The following ATXN2 variants were observed in gnomAD, a reference collection of about 807,000 sequenced individuals.
ATXN2 encodes the protein ataxin 2, also known as ataxin-2.
In ATXN2, 37 loss-of-function variants were observed where a neutral mutation model predicts 138.6. The ratio of observed to expected loss-of-function variants is 0.27; its 90% CI spans 0.21 to 0.35. The LOEUF is 0.35. Ranked by LOEUF, ATXN2 falls within the 10% of genes least tolerant of loss-of-function variation. The pLI is 1.00. For synonymous variants in ATXN2, 549 were observed against 543.7 expected (o/e 1.01, Z -0.13); for missense variants, 1,216 against 1,480.3 (o/e 0.82, Z 2.93).
Position 111,510,476 on chromosome 12 carries a change from A to C in ATXN2, c.1665T>G (p.Ile555Met). The C allele has an allele frequency of 6.2e-7, 1 of 1,614,154 alleles. No individual in the cohort carries two copies. Among genetic ancestry groups the C allele is most frequent in the East Asian group, 2.2e-5 (1 of 44,880 alleles). ...PVLASPQAGI[I>M]PTEAVAMPIP... is the part of the protein sequence containing the mutation. ...TAGGCATGGCAACAGCTTCAGTTGG[A>C]ATAATACCAGCTTGGGGAGAAGCAA... Residue 555 changes from isoleucine (I) to methionine (M), a missense_variant, in exon 12 of 25, where the codon ATT becomes ATG. Physicochemically the swap from Ile to Met is conservative, Grantham distance 10. Coordinates refer to ENST00000673436, the MANE Select transcript of ATXN2 (RefSeq NM_001372574.1).
In ATXN2 at chr12:111,547,777, TA is replaced by T. The variant is rs533666242; in HGVS notation, c.571+4502del. Among the ~76,000 whole-genome samples, 457 of 88,968 alleles carry T rather than the reference TA, an allele frequency of 5.1e-3. 1 individual carries two copies. The highest frequency in any genetic ancestry group is 0.025 in the South Asian group (68 of 2,696). The allele number at this position is 88,968 out of a possible 152,430, so 58.4% of individuals were successfully genotyped here. On this transcript the variant is annotated intron_variant, in intron 5 of 24. Coordinates refer to ENST00000673436, the MANE Select transcript of ATXN2 (RefSeq NM_001372574.1). Reference sequence around the variant, plus strand: ...TTTCCCCAAAAATAAAGCCAAAGATTAAAAAAAAAAAAAAAAAACTTGAACA... The same window carrying T: ...TTTCCCCAAAAATAAAGCCAAAGATTAAAAAAAAAAAAAAAAACTTGAACA...
rs761502580 is a variant in ATXN2 at position 111,456,252 on chromosome 12, T to C, written c.3047A>G (p.His1016Arg). The C allele has an allele frequency of 2.5e-6, 4 of 1,614,224 alleles. No homozygotes were observed. The Admixed American group carries it at 5.0e-5, about 20-fold the overall frequency. Residue 1016 changes from histidine to arginine, a missense_variant, in exon 23 of 25, where the codon CAT becomes CGT. Transcript: ENST00000673436. The stretch of plus-strand genomic sequence containing the variant: ...GAGAGCCTGGGCGGCCTGGTGCTGA[T>C]GGTGCTGCAAAGCGACAGGAAAGAA... ...SHPAPSPVQH[H>R]QHQAAQALHL... is the part of the protein sequence containing the mutation.
chr12:111,483,871 C>T (rs115056781), intron 18 of ATXN2, among the ~76,000 whole-genome samples: 1 of 152,188 alleles, frequency 6.6e-6, no homozygotes, highest in South Asian at 2.1e-4. Flanking sequence ...CAGCCTGGAC[C>T]TTCTGGTTTC....
At chr12:111,596,273 C>A (rs1884938337) in intron 1 of ATXN2, among the ~76,000 whole-genome samples, 1 of 150,138 alleles carries the variant, frequency 6.7e-6, no homozygotes, top group South Asian at 2.1e-4. Flanking sequence ...AAATTATGTT[C>A]TAATATTGTG....
chr12:111,534,818 A>G (rs1188951720), intron 5 of ATXN2, among the ~76,000 whole-genome samples: 1 of 152,078 alleles, frequency 6.6e-6, no homozygotes, highest in Non-Finnish European at 1.5e-5. Flanking sequence ...AGGGAAAAAA[A>G]CTGACCTATT....
intron 1 of ATXN2, among the ~76,000 whole-genome samples, chr12:111,585,132 C>CG: frequency 6.6e-6 from 1 of 152,180 alleles, no homozygotes; most frequent in Non-Finnish European, 1.5e-5. Flanking sequence ...TGTTATGAGT[C>CG]ACCATTATGA....
At chr12:111,587,350 A>G (rs1217468587) in intron 1 of ATXN2, among the ~76,000 whole-genome samples, 1 of 152,180 alleles carries the variant, frequency 6.6e-6, no homozygotes, top group Non-Finnish European at 1.5e-5. Context: ...AAGCAATATG[A>G]AAAACGTCAA....
At chr12:111,556,649 C>A (rs1412891514) in intron 1 of ATXN2, among the ~76,000 whole-genome samples, 1 of 151,848 alleles carries the variant, frequency 6.6e-6, no homozygotes, top group African/African-American at 2.4e-5. Context: ...AACCCCATCT[C>A]TACTAAGAAT....
chr12:111,452,965 G>T, intron 24 of ATXN2, 125 bp from the exon 25 acceptor site: 2 of 1,058,826 alleles, frequency 1.9e-6, no homozygotes, highest in South Asian at 2.7e-5. Context: ...AATTGAATTC[G>T]CTTTTCCCCC....
Position 111,510,463 on chromosome 12 carries a change from C to T in ATXN2, c.1678G>A (p.Val560Ile), listed in dbSNP as rs1404435114. 3 of 1,614,010 alleles carry T rather than the reference C, an allele frequency of 1.9e-6. No individual in the cohort carries two copies. Among genetic ancestry groups the T allele is most frequent in the Non-Finnish European group, 2.5e-6 (3 of 1,180,026 alleles). The change falls in exon 12 of 25, where the codon GTT becomes ATT. Residue 560 changes from valine to isoleucine, a missense_variant. Physicochemically the swap from Val to Ile is conservative, Grantham distance 29. Transcript: ENST00000673436. ...GATGCAGCTGGAATAGGCATGGCAA[C>T]AGCTTCAGTTGGAATAATACCAGCT... ...PQAGIIPTEA[V>I]AMPIPAASPT...
chr12:111,470,722 G>A lies in ATXN2; in HGVS notation c.2545C>T (p.Arg849Trp), dbSNP rs1415395356. The A allele has an allele frequency of 3.1e-6, 5 of 1,614,044 alleles. No individual in the cohort carries two copies. Among genetic ancestry groups the A allele is most frequent in the Non-Finnish European group, 4.2e-6 (5 of 1,180,002 alleles). The change falls in exon 19 of 25, where the codon CGG becomes TGG. Residue 849 changes from arginine (R) to tryptophan (W), a missense_variant. Physicochemically the swap from Arg to Trp is moderately radical, Grantham distance 101. Around this residue, in one of 4 missense-constraint regions of ATXN2, gnomAD observed 490 missense variants for 653.5 expected, o/e 0.75. Transcript: ENST00000673436. ...GCACTCTGATGATGCTGGTCTTGCCGCTGTTGGGGCATATTTGGTACTGCA... is the reference window on the plus strand; with the variant it reads ...GCACTCTGATGATGCTGGTCTTGCCACTGTTGGGGCATATTTGGTACTGCA... ...AGKVPNMPQQRQDQHHQSAMM... is the reference protein window; with the variant it reads ...AGKVPNMPQQWQDQHHQSAMM...
intron 1 of ATXN2, among the ~76,000 whole-genome samples, chr12:111,573,184 TTTTATTTA>T (rs890065572): frequency 1.3e-5 from 2 of 151,862 alleles, no homozygotes; most frequent in Admixed American, 6.6e-5. Flanking sequence ...TTGTTATTAT[TTTTATTTA>T]TTTATTTATT....
intron 14 of ATXN2, among the ~76,000 whole-genome samples, chr12:111,497,321 C>T (rs1043473505): frequency 6.6e-6 from 1 of 152,130 alleles, no homozygotes; most frequent in African/African-American, 2.4e-5. Context: ...AATACCAATC[C>T]TACTCAAACT....
chr12:111,487,606 C>T (rs1015235750), intron 15 of ATXN2, among the ~76,000 whole-genome samples: 1 of 151,938 alleles, frequency 6.6e-6, no homozygotes, highest in African/African-American at 2.4e-5. Context: ...GATACAGGCA[C>T]CTACCACCAT....
At chr12:111,455,677 A>C in intron 23 of ATXN2, 1 of 337,408 alleles carries the variant, frequency 3.0e-6, no homozygotes, top group Non-Finnish European at 5.7e-6. Flanking sequence ...CTTCCAAGGT[A>C]AGTGTGTAGG....
chr12:111,555,340 C>A (rs1226474784), intron 2 of ATXN2, among the ~76,000 whole-genome samples: 1 of 152,098 alleles, frequency 6.6e-6, no homozygotes, highest in Non-Finnish European at 1.5e-5. Context: ...TGGTTTGGTT[C>A]TGTGTCCCCA....
At chr12:111,525,685 CA>C (rs1382887328) in intron 5 of ATXN2, among the ~76,000 whole-genome samples, 87 of 132,756 alleles carry the variant, frequency 6.6e-4, no homozygotes, top group African/African-American at 2.9e-3. Context: ...CCACACGAAG[CA>C]TTTTTTTTTT....
chr12:111,476,096 T>C (rs558876256), intron 18 of ATXN2, among the ~76,000 whole-genome samples: 1 of 152,124 alleles, frequency 6.6e-6, no homozygotes, highest in African/African-American at 2.4e-5. Flanking sequence ...GGACTACAGG[T>C]GTGTGCCACC....
chr12:111,510,041 A>G (rs769647139), intron 12 of ATXN2, 43 bp from the exon 13 acceptor site: 1 of 1,369,210 alleles, frequency 7.3e-7, no homozygotes, highest in East Asian at 2.3e-5. Flanking sequence ...AAGTTAGAAA[A>G]GCAAAACAAG....
Sources: gnomAD v4.1 joint callset for allele counts (sites outside exome capture counted in the v4.1 genomes callset) on GRCh38, gnomAD v4.1.1 for gene constraint, gnomAD v4.1.1 regional missense constraint, MANE v1.5 for transcripts, NCBI Gene and HGNC (gene_info 2026-07-23, HGNC 2026-07-21) for gene names.